LSM14A: variants seen among roughly 807,000 people sequenced by gnomAD.
The protein encoded by LSM14A is protein LSM14 homolog A.
A neutral mutation model predicts 52.4 loss-of-function variants in LSM14A; 14 were observed. The observed-to-expected ratio is 0.27, with a 90% confidence interval of 0.18 to 0.42. The LOEUF is 0.42. Among genes scored for constraint, LSM14A ranks in the 10% least tolerant of loss-of-function variants. The probability of loss-of-function intolerance (pLI) is 1.00; values close to 1 mark genes in which losing one functional copy is unlikely to be tolerated. For missense variants in LSM14A, 417 were observed against 581.8 expected (o/e 0.72, Z 2.91); for synonymous variants, 185 against 200.3 (o/e 0.92, Z 0.64).
At chr19:34,180,210 T>G (rs2069380353) in intron 1 of LSM14A, among the ~76,000 whole-genome samples, 1 of 152,206 alleles carries the variant, frequency 6.6e-6, no homozygotes, top group African/African-American at 2.4e-5. Flanking sequence ...TGAGCCACAG[T>G]GTCTGGCTTG....
At chr19:34,179,502 G>T (rs928494351) in intron 1 of LSM14A, among the ~76,000 whole-genome samples, 1 of 152,302 alleles carries the variant, frequency 6.6e-6, no homozygotes, top group African/African-American at 2.4e-5. Flanking sequence ...ATTTAGTGAT[G>T]TTGCCAGTAC....
rs530206949 is a variant in LSM14A, at chr19:34,183,948, A to G, written c.122-10530A>G. ...ATCACCACAGTCCAGTTTTCTAACA[A>G]TTCCATCAACTCAAGAAGCTTCTTT... On this transcript the variant is annotated intron_variant, in intron 1 of 9. Transcript: ENST00000544216. 3.9e-5 allele frequency among the ~76,000 whole-genome samples: 6 copies of G among 152,298 alleles called. No homozygotes were observed. In the East Asian group the frequency reaches 5.8e-4, roughly 15 times the overall value.
chr19:34,180,552 G>A (rs565529125), intron 1 of LSM14A, among the ~76,000 whole-genome samples: 3 of 152,228 alleles, frequency 2.0e-5, no homozygotes, highest in South Asian at 4.1e-4. Context: ...TTCCCACCAC[G>A]ATCTCCCTCT....
chr19:34,202,878 C>T (rs984981125), intron 3 of LSM14A, among the ~76,000 whole-genome samples: 14 of 152,096 alleles, frequency 9.2e-5, no homozygotes, highest in Non-Finnish European at 1.6e-4. Context: ...AGGATGGTCT[C>T]GATCTCCTGA....
chr19:34,216,607 G>A (rs1382760509), intron 6 of LSM14A, among the ~76,000 whole-genome samples: 9 of 151,920 alleles, frequency 5.9e-5, no homozygotes, highest in Admixed American at 3.3e-4. Flanking sequence ...TTACAGCCGC[G>A]TGCCACCATA....
intron 1 of LSM14A, among the ~76,000 whole-genome samples, chr19:34,193,814 C>T (rs1473015347): frequency 1.3e-5 from 2 of 152,146 alleles, no homozygotes; most frequent in African/African-American, 4.8e-5. Context: ...TTGTCTCCCA[C>T]TCCTTCCCCA....
chr19:34,195,812 C>T (rs1483168018), intron 2 of LSM14A, among the ~76,000 whole-genome samples: 1 of 152,140 alleles, frequency 6.6e-6, no homozygotes, highest in Non-Finnish European at 1.5e-5. Flanking sequence ...TTTGAGTAAT[C>T]GGTTTTATGG....
At chr19:34,209,204 A>G (rs1281362206) in intron 4 of LSM14A, among the ~76,000 whole-genome samples, 153 bp downstream of exon 4, 1 of 152,182 alleles carries the variant, frequency 6.6e-6, no homozygotes, top group African/African-American at 2.4e-5. Context: ...TATTGCAATG[A>G]ATATATTATT....
At chr19:34,213,318 G>A (rs943703741) in intron 4 of LSM14A, among the ~76,000 whole-genome samples, 3 of 152,194 alleles carry the variant, frequency 2.0e-5, no homozygotes, top group African/African-American at 7.2e-5. Flanking sequence ...GATTGTGCCT[G>A]TGTCGGTTTC....
chr19:34,217,823 T>G (rs1374404504), intron 6 of LSM14A, among the ~76,000 whole-genome samples: 1 of 151,216 alleles, frequency 6.6e-6, no homozygotes, highest in East Asian at 1.9e-4. Context: ...TATTTTACCC[T>G]TTTTATTCAG....
chr19:34,189,420 T>TCTA (rs2070182097), intron 1 of LSM14A, among the ~76,000 whole-genome samples: 1 of 152,156 alleles, frequency 6.6e-6, no homozygotes. Flanking sequence ...TTCCCTAGCA[T>TCTA]CTAGCATAGT....
At chr19:34,185,402 G>C (rs2069822007) in intron 1 of LSM14A, among the ~76,000 whole-genome samples, 1 of 152,190 alleles carries the variant, frequency 6.6e-6, no homozygotes, top group Non-Finnish European at 1.5e-5. Flanking sequence ...TTTTCATTCA[G>C]TGCAGTAATA....
chr19:34,198,617 A>AAAAT (rs1037223990), intron 3 of LSM14A, among the ~76,000 whole-genome samples: 1 of 152,200 alleles, frequency 6.6e-6, no homozygotes, highest in Admixed American at 6.5e-5. Flanking sequence ...ACTCCGTCTA[A>AAAAT]AAATAAATAA....
intron 6 of LSM14A, among the ~76,000 whole-genome samples, chr19:34,216,265 T>C (rs2072581106): frequency 6.6e-6 from 1 of 151,780 alleles, no homozygotes; most frequent in Admixed American, 6.6e-5. Flanking sequence ...TACAAAAAAT[T>C]AGCCGGGCGC....
At chr19:34,188,215 G>A (rs1407537255) in intron 1 of LSM14A, among the ~76,000 whole-genome samples, 1 of 152,068 alleles carries the variant, frequency 6.6e-6, no homozygotes, top group Non-Finnish European at 1.5e-5. Flanking sequence ...GAGCTTGGGA[G>A]GTAAAAGTTG....
intron 6 of LSM14A, among the ~76,000 whole-genome samples, chr19:34,218,014 T>TCC (rs35374696): frequency 2.2e-5 from 2 of 89,154 alleles, no homozygotes; most frequent in South Asian, 3.4e-4. Context: ...TTTTTTTTTT[T>TCC]CCCCCTGGAG....
chr19:34,184,155 A>C (rs1018376059), intron 1 of LSM14A, among the ~76,000 whole-genome samples: 4 of 149,518 alleles, frequency 2.7e-5, no homozygotes, highest in African/African-American at 9.9e-5. Context: ...TCCCGGGTTC[A>C]AGTGATTCTC....
chr19:34,224,121 G>C lies in LSM14A; in HGVS notation c.1368+2383G>C, dbSNP rs542985874. On this transcript the variant is annotated intron_variant, in intron 9 of 9. Transcript: ENST00000544216. ...AGGTGGGCGGATCACCTGAGGTCAGGAGTTCGAGACCAGCCTGGCTAACAT... is the reference window on the plus strand; with the variant it reads ...AGGTGGGCGGATCACCTGAGGTCAGCAGTTCGAGACCAGCCTGGCTAACAT... Among the ~76,000 whole-genome samples the C allele has an allele frequency of 3.9e-5, 6 of 151,952 alleles. No individual in the cohort carries two copies. In the South Asian group the frequency reaches 1.3e-3, roughly 32 times the overall value.
chr19:34,217,809 A>G (rs1181304533), intron 6 of LSM14A, among the ~76,000 whole-genome samples: 3 of 150,490 alleles, frequency 2.0e-5, no homozygotes, highest in Admixed American at 1.3e-4. Flanking sequence ...AATTTGACTC[A>G]TTATATTTTA....
Sources: allele counts gnomAD v4.1 joint callset (sites outside exome capture counted in the v4.1 genomes callset), GRCh38; gene constraint gnomAD v4.1.1; transcripts MANE v1.5; gene names NCBI Gene and HGNC (gene_info 2026-07-23, HGNC 2026-07-21).